The following COP1 variants were observed in gnomAD, a reference collection of about 807,000 sequenced individuals.
COP1 encodes the protein E3 ubiquitin-protein ligase COP1.
A neutral mutation model predicts 101.3 loss-of-function variants in COP1; 24 were observed. The ratio of observed to expected loss-of-function variants is 0.24; its 90% CI spans 0.17 to 0.33. The LOEUF (loss-of-function observed/expected upper bound fraction) is 0.33, where lower values mean the gene tolerates loss of function less well. COP1 is among the 10% of genes least tolerant of loss of function. The pLI is 1.00. For missense variants in COP1, 663 were observed against 906.2 expected, an observed-to-expected ratio of 0.73 and a Z score of 3.45; for synonymous variants, 347 against 341.9, an observed-to-expected ratio of 1.01 and a Z score of -0.17.
intron 9 of COP1, among the ~76,000 whole-genome samples, chr1:176,115,310 C>T (rs7553759): frequency 0.4 from 60,534 of 151,460 alleles, 12,216 homozygotes; most frequent in Admixed American, 0.44. Flanking sequence ...ATTACCCAGA[C>T]GCGGTGGCAC....
chr1:176,124,802 C>T (rs888747801), intron 8 of COP1, among the ~76,000 whole-genome samples: 13 of 152,186 alleles, frequency 8.5e-5, no homozygotes, highest in Admixed American at 5.9e-4. Flanking sequence ...GGGATTGCTG[C>T]GTAATATGCT....
chr1:175,984,722 A>G (rs1656698461), intron 18 of COP1, among the ~76,000 whole-genome samples: 1 of 152,208 alleles, frequency 6.6e-6, no homozygotes, highest in South Asian at 2.1e-4. Context: ...ACAGTGGTGG[A>G]GGTCTCCAAG....
chr1:176,195,895 G>A (rs558829931), intron 1 of COP1, among the ~76,000 whole-genome samples: 14 of 152,328 alleles, frequency 9.2e-5, no homozygotes, highest in African/African-American at 3.4e-4. Flanking sequence ...ATCGGGGACG[G>A]AGGGGGTTAG....
At chr1:175,976,062 T>G (rs1176256343) in intron 18 of COP1, among the ~76,000 whole-genome samples, 1 of 33,714 alleles carries the variant, frequency 3.0e-5, no homozygotes, top group Non-Finnish European at 3.4e-4. Flanking sequence ...GATGTAGAAT[T>G]AGAAGGTCTC....
intron 11 of COP1, among the ~76,000 whole-genome samples, chr1:176,060,748 C>T (rs1334649487): frequency 6.6e-6 from 1 of 152,080 alleles, no homozygotes; most frequent in East Asian, 1.9e-4. Flanking sequence ...CAAAAATTTA[C>T]AGTTTAGAAG....
At chr1:176,114,961 T>C (rs1189038023) in intron 9 of COP1, among the ~76,000 whole-genome samples, 3 of 152,174 alleles carry the variant, frequency 2.0e-5, no homozygotes, top group Non-Finnish European at 4.4e-5. Flanking sequence ...AAGAAACATA[T>C]GTGGGTACCT....
chr1:175,950,607 T>C (rs1649766854), intron 18 of COP1, among the ~76,000 whole-genome samples: 2 of 152,206 alleles, frequency 1.3e-5, no homozygotes, highest in Admixed American at 6.5e-5. Context: ...ATTTTTTACT[T>C]GCTAAATAAA....
chr1:176,173,880 AG>A, intron 3 of COP1, among the ~76,000 whole-genome samples: 1 of 148,384 alleles, frequency 6.7e-6, no homozygotes, highest in Middle Eastern at 3.5e-3. Context: ...TCCAGCAACC[AG>A]AGAGACTGCG....
chr1:176,083,689 A>G (rs1679603086), intron 10 of COP1, among the ~76,000 whole-genome samples: 1 of 35,464 alleles, frequency 2.8e-5, no homozygotes, highest in African/African-American at 1.0e-4. Flanking sequence ...TTTCATTTTA[A>G]TAGTTGGAAA....
At position 175,993,509 on chromosome 1, in the gene COP1, G is replaced by A. The variant is rs529997423; in HGVS notation, c.1730-4030C>T. On this transcript the variant is annotated intron_variant, in intron 15 of 19. Coordinates refer to ENST00000367669, the MANE Select transcript of COP1 (RefSeq NM_022457.7). ...TGAAAACTTTGAAAAAAATTTAGAC[G>A]AATGTATAACTAGAATAACCAATAC... Among the ~76,000 whole-genome samples, 7 of 152,224 alleles carry A rather than the reference G, an allele frequency of 4.6e-5. No individual in the cohort carries two copies. In the East Asian group the frequency reaches 7.7e-4, roughly 17 times the overall value.
chr1:176,124,160 T>C (rs911803879), intron 8 of COP1, among the ~76,000 whole-genome samples: 4 of 152,146 alleles, frequency 2.6e-5, no homozygotes, highest in Non-Finnish European at 4.4e-5. Flanking sequence ...TATATACTTA[T>C]GAGGTACAAG....
chr1:175,994,969 T>G (rs922512829), intron 15 of COP1, among the ~76,000 whole-genome samples: 7 of 152,154 alleles, frequency 4.6e-5, no homozygotes, highest in Non-Finnish European at 1.0e-4. Flanking sequence ...ACAACACCTA[T>G]TCCAAAATTG....
chr1:176,018,424 G>A (rs1359443674), intron 15 of COP1: 3 of 152,090 alleles, frequency 2.0e-5, no homozygotes, highest in Admixed American at 2.0e-4. Flanking sequence ...AAAAAACCCA[G>A]TCCTCCCTCA....
intron 9 of COP1, among the ~76,000 whole-genome samples, chr1:176,098,252 AT>A (rs1293392292): frequency 6.6e-6 from 1 of 152,206 alleles, no homozygotes; most frequent in East Asian, 1.9e-4. Context: ...AATTAAAACA[AT>A]TTACCAGGTT....
At chr1:175,990,861 G>A (rs1658252047) in intron 15 of COP1, among the ~76,000 whole-genome samples, 1 of 150,658 alleles carries the variant, frequency 6.6e-6, no homozygotes, top group Non-Finnish European at 1.5e-5. Context: ...TTGTGTCTGT[G>A]AATCTAAAGT....
intron 18 of COP1, among the ~76,000 whole-genome samples, chr1:175,983,726 C>T (rs1049903268): frequency 6.6e-6 from 1 of 152,158 alleles, no homozygotes; most frequent in African/African-American, 2.4e-5. Context: ...GACCAAAATG[C>T]TGATAATGAT....
intron 8 of COP1, among the ~76,000 whole-genome samples, chr1:176,117,402 A>C (rs1357763580): frequency 6.6e-6 from 1 of 152,088 alleles, no homozygotes; most frequent in African/African-American, 2.4e-5. Flanking sequence ...ACCCTAAAAA[A>C]ACCTCCAGAA....
At chr1:176,028,020 C>T (rs566514268) in intron 14 of COP1, among the ~76,000 whole-genome samples, 20 of 152,052 alleles carry the variant, frequency 1.3e-4, no homozygotes, top group African/African-American at 4.1e-4. Context: ...GGCAAGAGAG[C>T]GTGTGCAGGG....
At chr1:175,986,660 T>A (rs1370386893) in intron 18 of COP1, among the ~76,000 whole-genome samples, 3 of 152,148 alleles carry the variant, frequency 2.0e-5, no homozygotes, top group Non-Finnish European at 4.4e-5. Flanking sequence ...GAATTTCCAG[T>A]CTTATAGAAG....
Sources: gnomAD v4.1 joint callset for allele counts (sites outside exome capture counted in the v4.1 genomes callset) on GRCh38, gnomAD v4.1.1 for gene constraint, MANE v1.5 for transcripts, NCBI Gene and HGNC (gene_info 2026-07-23, HGNC 2026-07-21) for gene names.